AMOTL1: variants seen among roughly 807,000 people sequenced by gnomAD.
The protein encoded by AMOTL1 is angiomotin like 1.
A neutral mutation model predicts 102.9 loss-of-function variants in AMOTL1; 45 were observed. The observed-to-expected ratio is 0.44, with a 90% CI of 0.34 to 0.56. The LOEUF is 0.56. Ranked by LOEUF, AMOTL1 falls within the 20% of genes least tolerant of loss-of-function variation. The pLI, the probability that AMOTL1 is intolerant of heterozygous loss-of-function variation, is 0.01. For synonymous variants in AMOTL1, 481 were observed against 484.7 expected, an observed-to-expected ratio of 0.99 and a Z score of 0.10; for missense variants, 1,114 against 1,225.6, an observed-to-expected ratio of 0.91 and a Z score of 1.36.
At chr11:94,810,635 A>C (rs995391654) in intron 3 of AMOTL1, among the ~76,000 whole-genome samples, 1 of 152,078 alleles carries the variant, frequency 6.6e-6, no homozygotes, top group South Asian at 2.1e-4. Context: ...CCCAAAAGGG[A>C]GTCTGGTGCC....
intron 1 of AMOTL1, among the ~76,000 whole-genome samples, chr11:94,716,631 T>G (rs146692075): frequency 6.6e-6 from 1 of 152,282 alleles, no homozygotes; most frequent in East Asian, 1.9e-4. Context: ...GCTTTATTAC[T>G]GCAGGTGCCT....
chr11:94,783,537 A>G lies in AMOTL1; in HGVS notation c.50-11474A>G, dbSNP rs11020939. ...CTAGGGAGAAGTTCTGTTGCTTTAG[A>G]CAGATTTTTTAAGGGGTATCATGAG... On this transcript the variant is annotated intron_variant, in intron 1 of 12. Transcript: ENST00000433060. Among the ~76,000 whole-genome samples the G allele has an allele frequency of 3.5e-3, 538 of 152,266 alleles. 4 individuals are homozygous for G. The highest frequency in any genetic ancestry group is 0.012 in the African/African-American group (504 of 41,538).
chr11:94,759,140 C>G (rs540320473), intron 3 of AMOTL1, among the ~76,000 whole-genome samples: 2 of 152,140 alleles, frequency 1.3e-5, no homozygotes, highest in African/African-American at 4.8e-5. Flanking sequence ...AAAAAAGTGC[C>G]CTTTTTGTCA....
rs181563613 is a variant in AMOTL1 at position 94,794,799 on chromosome 11, C to T, written c.50-212C>T. Among the ~76,000 whole-genome samples the T allele has an allele frequency of 6.4e-4, 97 of 152,274 alleles. 1 individual carries two copies. The highest frequency in any genetic ancestry group is 2.1e-3 in the Admixed American group (32 of 15,298). On this transcript the variant is annotated intron_variant, in intron 1 of 12. Coordinates refer to ENST00000433060, the MANE Select transcript of AMOTL1 (RefSeq NM_130847.3). The stretch of plus-strand genomic sequence containing the variant: ...GCCTTCACTCAGTGTGTCTTGAGGA[C>T]TGTTATGTTGACCTCACGGGTCATT...
At chr11:94,712,729 A>G (rs1950038479) in intron 1 of AMOTL1, among the ~76,000 whole-genome samples, 1 of 151,954 alleles carries the variant, frequency 6.6e-6, no homozygotes, top group South Asian at 2.1e-4. Context: ...TATATTCTAG[A>G]TATAAGTCCT....
At chr11:94,830,001 C>A in intron 4 of AMOTL1, 49 bp from the exon 5 acceptor site, 2 of 1,525,650 alleles carry the variant, frequency 1.3e-6, no homozygotes, top group Non-Finnish European at 1.8e-6. Flanking sequence ...TACCAAGACA[C>A]CAGCATGAAT....
chr11:94,796,283 G>A (rs1240167806), intron 2 of AMOTL1, among the ~76,000 whole-genome samples: 1 of 152,158 alleles, frequency 6.6e-6, no homozygotes, highest in Admixed American at 6.5e-5. Context: ...GATTTTGGGG[G>A]TAAGGGTGAC....
intron 3 of AMOTL1, among the ~76,000 whole-genome samples, chr11:94,741,577 A>G (rs1402047456): frequency 6.6e-6 from 1 of 152,090 alleles, no homozygotes; most frequent in Admixed American, 6.6e-5. Flanking sequence ...TGTCATGGTA[A>G]GTGGAGATTT....
intron 3 of AMOTL1, among the ~76,000 whole-genome samples, chr11:94,806,155 A>G (rs1214180204): frequency 2.0e-5 from 3 of 152,250 alleles, no homozygotes; most frequent in Non-Finnish European, 4.4e-5. Context: ...GCAGCCCAAG[A>G]GTACATTTGG....
intron 6 of AMOTL1, among the ~76,000 whole-genome samples, chr11:94,838,599 G>C (rs1024489957): frequency 1.3e-5 from 2 of 152,058 alleles, no homozygotes; most frequent in African/African-American, 4.8e-5. Context: ...TGCTGACCTC[G>C]GTTCCAGGAA....
chr11:94,764,935 G>A (rs763542839), upstream of AMOTL1, among the ~76,000 whole-genome samples: 1 of 152,212 alleles, frequency 6.6e-6, no homozygotes, highest in Non-Finnish European at 1.5e-5. Flanking sequence ...GGCTCTCCGT[G>A]TCTAGAAATA....
In AMOTL1 at chr11:94,799,358, C is replaced by G. The variant is rs202109099; in HGVS notation, c.200-32C>G. 3.3e-5 allele frequency: 50 copies of G among 1,506,530 alleles called. No individual in the cohort carries two copies. The East Asian group carries it at 1.2e-3, about 35-fold the overall frequency. 93.3% of individuals were successfully genotyped at this position (1,506,530 alleles called of 1,614,324 possible). A position where few individuals can be genotyped will look rare whatever the true frequency, so the allele number is the denominator to read the frequency against. On this transcript the variant is annotated intron_variant, in intron 2 of 12. Coordinates refer to ENST00000433060, the MANE Select transcript of AMOTL1 (RefSeq NM_130847.3). The surrounding 1 kb of genome is among the most constrained non-coding windows in gnomAD (Gnocchi z 4.5). The stretch of plus-strand genomic sequence containing the variant: ...AGACATATATCTCCTGTGGAGCTGC[C>G]TGATATCTTTTTTCCTATGTTTATC...
Position 94,738,862 on chromosome 11 carries a change from A to G in AMOTL1, c.86-2076A>G, listed in dbSNP as rs144258217. Reference sequence around the variant, plus strand: ...AGAGGGGATAAGCTGGAAAGGTAGGAGAGTGGATTACTTCACCTTGATATT... The same window carrying G: ...AGAGGGGATAAGCTGGAAAGGTAGGGGAGTGGATTACTTCACCTTGATATT... On this transcript the variant is annotated intron_variant, in intron 2 of 4. Transcript: ENST00000299004. 4.3e-3 allele frequency among the ~76,000 whole-genome samples: 655 copies of G among 152,260 alleles called. 4 individuals are homozygous for G. The highest frequency in any genetic ancestry group is 0.037 in the Middle Eastern group (11 of 294).
Position 94,870,992 on chromosome 11 carries a change from A to G in AMOTL1, c.*197A>G, listed in dbSNP as rs1375562561. On this transcript the variant is annotated 3_prime_UTR_variant, in exon 13 of 13. Coordinates refer to ENST00000433060, the MANE Select transcript of AMOTL1 (RefSeq NM_130847.3). ...CTGAAGATAGAAGAGAATGCGATGG[A>G]TTTTATTACACATGGTGGAAGAGAG... 4.2e-6 allele frequency: 2 copies of G among 480,996 alleles called. No individual in the cohort carries two copies. Among genetic ancestry groups the G allele is most frequent in the Non-Finnish European group, 7.3e-6 (2 of 272,982 alleles). 29.8% of individuals were successfully genotyped at this position (480,996 alleles called of 1,614,324 possible).
At chr11:94,858,864 G>A (rs964076154) in intron 8 of AMOTL1, among the ~76,000 whole-genome samples, 1 of 152,164 alleles carries the variant, frequency 6.6e-6, no homozygotes, top group Non-Finnish European at 1.5e-5. Context: ...CCAGAAAATG[G>A]CTTTATTTTC....
intron 1 of AMOTL1, among the ~76,000 whole-genome samples, chr11:94,793,710 T>G (rs778288017): frequency 1.3e-5 from 2 of 152,242 alleles, no homozygotes; most frequent in Non-Finnish European, 2.9e-5. Context: ...GGTTAGTCTT[T>G]GTAGGTTGGC....
chr11:94,809,993 G>C (rs1241728636), intron 3 of AMOTL1, among the ~76,000 whole-genome samples: 1 of 152,096 alleles, frequency 6.6e-6, no homozygotes, highest in East Asian at 1.9e-4. Context: ...AGATCTTATA[G>C]ATTCATAACA....
At chr11:94,763,944 A>C (rs1950825145), upstream of AMOTL1, among the ~76,000 whole-genome samples, 1 of 152,212 alleles carries the variant, frequency 6.6e-6, no homozygotes, top group Admixed American at 6.5e-5. Flanking sequence ...TCACCTGGTG[A>C]TTATATAGGG....
upstream of AMOTL1, among the ~76,000 whole-genome samples, chr11:94,765,308 A>G (rs1950842874): frequency 6.6e-6 from 1 of 152,186 alleles, no homozygotes; most frequent in Non-Finnish European, 1.5e-5. Context: ...TTTATTGTAA[A>G]CATACTTTGT....
Sources: allele counts gnomAD v4.1 joint callset (sites outside exome capture counted in the v4.1 genomes callset), GRCh38; gene constraint gnomAD v4.1.1; non-coding constraint Gnocchi (gnomAD v3.1); transcripts MANE v1.5; gene names NCBI Gene and HGNC (gene_info 2026-07-23, HGNC 2026-07-21).